KCNB2: variants seen among roughly 807,000 people sequenced by gnomAD.
KCNB2 encodes potassium voltage-gated channel subfamily B member 2, also known as delayed rectifier potassium channel protein.
Under a neutral mutation model 61.5 loss-of-function variants are expected in KCNB2, and 15 were observed. That is an observed-to-expected ratio of 0.24 (90% CI 0.16 to 0.38). The LOEUF is 0.38. Among genes scored for constraint, KCNB2 ranks in the 10% least tolerant of loss-of-function variants. The pLI is 1.00. For missense variants in KCNB2, 828 were observed against 1,125.2 expected (o/e 0.74, Z 3.78); for synonymous variants, 457 against 446.0 (o/e 1.02, Z -0.31).
At chr8:72,621,905 A>G (rs1416870491) in intron 2 of KCNB2, among the ~76,000 whole-genome samples, 1 of 152,218 alleles carries the variant, frequency 6.6e-6, no homozygotes, top group Non-Finnish European at 1.5e-5. Flanking sequence ...TGTAGTATTC[A>G]TGTAACCTCA....
chr8:72,735,291 G>A (rs1190502663), intron 2 of KCNB2, among the ~76,000 whole-genome samples: 2 of 152,102 alleles, frequency 1.3e-5, no homozygotes, highest in Non-Finnish European at 2.9e-5. Flanking sequence ...CTATAGATAA[G>A]TATTGAGGCT....
At chr8:72,718,917 T>C (rs1239227310) in intron 2 of KCNB2, among the ~76,000 whole-genome samples, 2 of 152,110 alleles carry the variant, frequency 1.3e-5, no homozygotes, top group Non-Finnish European at 2.9e-5. Context: ...GGGAATAAAT[T>C]GGCCGAGTCA....
At chr8:72,798,998 G>A (rs1001068561) in intron 2 of KCNB2, among the ~76,000 whole-genome samples, 3 of 152,110 alleles carry the variant, frequency 2.0e-5, no homozygotes, top group Admixed American at 6.6e-5. Flanking sequence ...CCATCTCTGG[G>A]GGCATTATCA....
chr8:72,605,125 A>G (rs1337593205), intron 2 of KCNB2, among the ~76,000 whole-genome samples: 1 of 152,220 alleles, frequency 6.6e-6, no homozygotes, highest in African/African-American at 2.4e-5. Flanking sequence ...GCACCAGGCT[A>G]GGAGATGAAG....
intron 2 of KCNB2, among the ~76,000 whole-genome samples, chr8:72,623,835 G>A (rs1053890143): frequency 4.6e-5 from 7 of 152,208 alleles, no homozygotes; most frequent in African/African-American, 1.7e-4. Flanking sequence ...CCAAATCACA[G>A]TTGTGAAGCA....
At position 72,727,322 on chromosome 8, in the gene KCNB2, A is replaced by T. The variant is rs530690595; in HGVS notation, c.579+159009A>T. The stretch of plus-strand genomic sequence containing the variant: ...CAAATATTTTAGCAATAAAACTGAA[A>T]ACTCAGAAATAGGGATAAGGGCCTC... On this transcript the variant is annotated intron_variant, in intron 2 of 2. Coordinates refer to ENST00000523207, the MANE Select transcript of KCNB2 (RefSeq NM_004770.3). Among the ~76,000 whole-genome samples the T allele has an allele frequency of 1.7e-4, 26 of 152,326 alleles. No individual in the cohort carries two copies. In the South Asian group the frequency reaches 3.1e-3, roughly 18 times the overall value.
intron 2 of KCNB2, among the ~76,000 whole-genome samples, chr8:72,573,090 G>A (rs763127669): frequency 6.6e-5 from 10 of 152,138 alleles, no homozygotes; most frequent in Non-Finnish European, 1.2e-4. Context: ...TGGTTGCCCT[G>A]TTGATAACTC....
intron 2 of KCNB2, among the ~76,000 whole-genome samples, chr8:72,892,756 T>A (rs1195233867): frequency 6.6e-6 from 1 of 152,212 alleles, no homozygotes; most frequent in Non-Finnish European, 1.5e-5. Flanking sequence ...AATTCTTGTT[T>A]ATTTTTTTCT....
intron 2 of KCNB2, among the ~76,000 whole-genome samples, chr8:72,803,520 A>G (rs1039172251): frequency 6.6e-6 from 1 of 152,202 alleles, no homozygotes; most frequent in Non-Finnish European, 1.5e-5. Flanking sequence ...TCACATACCC[A>G]TGGTAACTAA....
chr8:72,681,153 A>C (rs1469845718), intron 2 of KCNB2, among the ~76,000 whole-genome samples: 1 of 152,144 alleles, frequency 6.6e-6, no homozygotes, highest in Non-Finnish European at 1.5e-5. Flanking sequence ...AGGATATTGA[A>C]TGAGTTTGGC....
intron 2 of KCNB2, among the ~76,000 whole-genome samples, chr8:72,757,743 G>A (rs1049448273): frequency 1.3e-5 from 2 of 152,192 alleles, no homozygotes; most frequent in African/African-American, 2.4e-5. Flanking sequence ...AGAAGGCCAG[G>A]GTTGGCACAA....
intron 1 of KCNB2, among the ~76,000 whole-genome samples, chr8:72,540,982 C>T: frequency 8.7e-6 from 1 of 114,716 alleles, no homozygotes; most frequent in East Asian, 2.1e-4. Context: ...GGCCCTGCTC[C>T]CAAGAATATT....
intron 2 of KCNB2, among the ~76,000 whole-genome samples, chr8:72,725,605 A>ATGTGTGTG (rs1157286215): frequency 3.7e-5 from 2 of 54,286 alleles, no homozygotes; most frequent in Non-Finnish European, 6.2e-5. Context: ...ATATATATAT[A>ATGTGTGTG]TATATATATA....
chr8:72,800,731 C>A (rs1809112631), intron 2 of KCNB2, among the ~76,000 whole-genome samples: 1 of 152,180 alleles, frequency 6.6e-6, no homozygotes, highest in Admixed American at 6.5e-5. Context: ...GGCAAGGAGG[C>A]AATTGGCTGC....
At chr8:72,672,472 ATTAC>A (rs1806580878) in intron 2 of KCNB2, among the ~76,000 whole-genome samples, 2 of 152,162 alleles carry the variant, frequency 1.3e-5, no homozygotes, top group South Asian at 4.1e-4. Context: ...ACAATTTGAC[ATTAC>A]TCTTTGAGAA....
At position 72,784,518 on chromosome 8, in the gene KCNB2, G is replaced by A. The variant is rs138585054; in HGVS notation, c.580-151417G>A. Among the ~76,000 whole-genome samples the A allele has an allele frequency of 7.5e-4, 114 of 152,244 alleles. 1 individual carries two copies. Among genetic ancestry groups the A allele is most frequent in the Admixed American group, 2.9e-3 (45 of 15,282 alleles). ...ATTGACTCACAGTTCCACATGGCTGGGGAGGCCGCAGGAAACTTACCATCA... is the reference window on the plus strand; with the variant it reads ...ATTGACTCACAGTTCCACATGGCTGAGGAGGCCGCAGGAAACTTACCATCA... On this transcript the variant is annotated intron_variant, in intron 2 of 2. Coordinates refer to ENST00000523207, the MANE Select transcript of KCNB2 (RefSeq NM_004770.3).
chr8:72,857,166 A>C (rs1810219963), intron 2 of KCNB2, among the ~76,000 whole-genome samples: 1 of 152,214 alleles, frequency 6.6e-6, no homozygotes, highest in Non-Finnish European at 1.5e-5. Context: ...ACTGTCTTTC[A>C]GGTACATGAG....
At chr8:72,604,981 A>G (rs963052106) in intron 2 of KCNB2, among the ~76,000 whole-genome samples, 5 of 152,172 alleles carry the variant, frequency 3.3e-5, no homozygotes, top group Non-Finnish European at 7.3e-5. Flanking sequence ...TTGTTCTCAT[A>G]ACTTTATCAG....
chr8:72,928,191 CTTTTT>C (rs879676235), intron 2 of KCNB2, among the ~76,000 whole-genome samples: 3 of 134,904 alleles, frequency 2.2e-5, no homozygotes, highest in Admixed American at 7.3e-5. Context: ...CACTTTCTTT[CTTTTT>C]TTTTTTTTTT....
Sources: gnomAD v4.1 joint callset for allele counts (sites outside exome capture counted in the v4.1 genomes callset) on GRCh38, gnomAD v4.1.1 for gene constraint, MANE v1.5 for transcripts, NCBI Gene and HGNC (gene_info 2026-07-23, HGNC 2026-07-21) for gene names.